NAALADL2: variants seen among roughly 807,000 people sequenced by gnomAD.
The protein encoded by NAALADL2 is inactive N-acetylated-alpha-linked acidic dipeptidase-like protein 2.
A neutral mutation model predicts 87.2 loss-of-function variants in NAALADL2; 76 were observed. The ratio of observed to expected loss-of-function variants is 0.87; its 90% CI spans 0.72 to 1.05. The LOEUF (loss-of-function observed/expected upper bound fraction) is 1.05, where lower values mean the gene tolerates loss of function less well. NAALADL2 is among the 50% of genes least tolerant of loss of function. The pLI is 0.00. For synonymous variants in NAALADL2, 354 were observed against 331.0 expected (o/e 1.07, Z -0.75); for missense variants, 1,089 against 945.8 (o/e 1.15, Z -1.99).
intron 9 of NAALADL2, among the ~76,000 whole-genome samples, chr3:175,504,417 G>A (rs1729977202): frequency 6.6e-6 from 1 of 152,114 alleles, no homozygotes; most frequent in Non-Finnish European, 1.5e-5. Flanking sequence ...TGAAGCTCTA[G>A]CCCCTAATGT....
chr3:175,133,751 G>T (rs1364107420), intron 2 of NAALADL2, among the ~76,000 whole-genome samples: 2 of 152,266 alleles, frequency 1.3e-5, no homozygotes, highest in African/African-American at 4.8e-5. Flanking sequence ...GAGGGAGAGG[G>T]AGACTAAGTA....
intron 10 of NAALADL2, among the ~76,000 whole-genome samples, chr3:175,589,646 T>C (rs1463367954): frequency 6.6e-6 from 1 of 152,058 alleles, no homozygotes; most frequent in Non-Finnish European, 1.5e-5. Flanking sequence ...TGTTGGATAT[T>C]AAGTTTGCCT....
intron 2 of NAALADL2, among the ~76,000 whole-genome samples, chr3:175,136,739 G>A (rs1016699656): frequency 2.0e-5 from 3 of 152,084 alleles, no homozygotes; most frequent in African/African-American, 4.8e-5. Context: ...CTTGATTGAT[G>A]TAGGGCAACA....
intron 2 of NAALADL2, among the ~76,000 whole-genome samples, chr3:174,613,297 T>C (rs1367253186): frequency 6.6e-6 from 1 of 152,306 alleles, no homozygotes; most frequent in Admixed American, 6.5e-5. Flanking sequence ...CTCTGTTTTC[T>C]CAAGGCCCTG....
chr3:175,415,479 A>G (rs1266936418), intron 5 of NAALADL2, among the ~76,000 whole-genome samples: 1 of 152,162 alleles, frequency 6.6e-6, no homozygotes, highest in Non-Finnish European at 1.5e-5. Flanking sequence ...CTAACAGGGT[A>G]AAACAGGTTA....
At position 175,471,510 on chromosome 3, in the gene NAALADL2, A is replaced by G. The variant is rs538511442; in HGVS notation, c.1534-129A>G. On this transcript the variant is annotated intron_variant, in intron 8 of 13. Transcript: ENST00000454872. The stretch of plus-strand genomic sequence containing the variant: ...AAAAGAAAGAAAGAAAGAAAAAAAA[A>G]AAGAAGGTAATTATGCAATATAATA... The G allele has an allele frequency of 2.4e-4, 151 of 633,488 alleles. 1 individual carries two copies. The East Asian group carries it at 4.4e-3, about 18-fold the overall frequency. The allele number at this position is 633,488 out of a possible 1,614,324, so 39.2% of individuals were successfully genotyped here. A position where few individuals can be genotyped will look rare whatever the true frequency, so the allele number is the denominator to read the frequency against.
intron 9 of NAALADL2, among the ~76,000 whole-genome samples, chr3:175,499,265 G>A (rs569913352): frequency 6.6e-6 from 1 of 152,170 alleles, no homozygotes; most frequent in East Asian, 1.9e-4. Context: ...TTTTTCGAAT[G>A]ATTAACATGC....
intron 9 of NAALADL2, among the ~76,000 whole-genome samples, chr3:175,507,741 C>T (rs1433294462): frequency 1.3e-5 from 2 of 152,068 alleles, no homozygotes; most frequent in East Asian, 3.9e-4. Context: ...ATTATTAATG[C>T]TTTATTTTCC....
At chr3:175,471,513 G>T in intron 8 of NAALADL2, 126 bp from the exon 9 acceptor site, 10 of 533,362 alleles carry the variant, frequency 1.9e-5, no homozygotes, top group Admixed American at 3.9e-5. Context: ...AAAAAAAAAA[G>T]AAGGTAATTA....
At chr3:175,241,598 C>G (rs1746893933) in intron 3 of NAALADL2, among the ~76,000 whole-genome samples, 1 of 152,074 alleles carries the variant, frequency 6.6e-6, no homozygotes. Flanking sequence ...TATATTTTCC[C>G]TGTATTTAAA....
chr3:174,507,411 C>G (rs1719263862), intron 1 of NAALADL2, among the ~76,000 whole-genome samples: 1 of 152,104 alleles, frequency 6.6e-6, no homozygotes. Context: ...GTTTTTCTCA[C>G]TGATTTTTTT....
intron 1 of NAALADL2, among the ~76,000 whole-genome samples, chr3:174,863,275 T>A (rs532895872): frequency 6.6e-6 from 1 of 152,226 alleles, no homozygotes; most frequent in South Asian, 2.1e-4. Flanking sequence ...TAATTTACTT[T>A]CCTATTTCTA....
chr3:174,751,309 AAAG>A (rs1734794782), intron 3 of NAALADL2, among the ~76,000 whole-genome samples: 1 of 152,152 alleles, frequency 6.6e-6, no homozygotes, highest in Non-Finnish European at 1.5e-5. Context: ...GCATATATGA[AAAG>A]AAATATTTTT....
intron 5 of NAALADL2, among the ~76,000 whole-genome samples, chr3:175,377,693 G>T (rs1294148907): frequency 6.6e-6 from 1 of 152,104 alleles, no homozygotes; most frequent in Non-Finnish European, 1.5e-5. Flanking sequence ...CCCATGGCCT[G>T]TACTGCACCC....
At position 175,780,654 on chromosome 3, in the gene NAALADL2, T is replaced by A. The variant is rs551881974; in HGVS notation, c.2190-22351T>A. The stretch of plus-strand genomic sequence containing the variant: ...TCAATAGTAGCAATAACAATTGATA[T>A]CACTGTATCTCATCTCCATTTGGAA... On this transcript the variant is annotated intron_variant, in intron 13 of 13. Transcript: ENST00000454872. 2.0e-5 allele frequency among the ~76,000 whole-genome samples: 3 copies of A among 152,280 alleles called. No individual in the cohort carries two copies. In the South Asian group the frequency reaches 6.2e-4, roughly 32 times the overall value.
At position 174,538,293 on chromosome 3, in the gene NAALADL2, T is replaced by A. The variant is rs74472551; in HGVS notation, c.-183-12276T>A. ...GCCCACGGCATTCCTAAGTTAACCG[T>A]AAAAATTAGTTCCAGCCAGGATGGG... is the stretch of plus-strand genomic sequence containing the variant. On this transcript the variant is annotated intron_variant, in intron 1 of 3. Transcript: ENST00000434257. 2.6e-3 allele frequency among the ~76,000 whole-genome samples: 402 copies of A among 152,170 alleles called. 18 individuals carry two copies. The East Asian group carries it at 0.071, about 27-fold the overall frequency.
intron 1 of NAALADL2, among the ~76,000 whole-genome samples, chr3:174,994,013 G>C (rs931499276): frequency 6.6e-6 from 1 of 151,984 alleles, no homozygotes; most frequent in African/African-American, 2.4e-5. Flanking sequence ...TTAGATCAAG[G>C]GCCCACCCTA....
At chr3:175,170,192 G>C (rs1056088439) in intron 2 of NAALADL2, among the ~76,000 whole-genome samples, 1 of 151,458 alleles carries the variant, frequency 6.6e-6, no homozygotes. Flanking sequence ...TAAAAGTTTA[G>C]AATAACAATT....
At chr3:175,037,650 G>A (rs1010445846) in intron 1 of NAALADL2, among the ~76,000 whole-genome samples, 2 of 152,070 alleles carry the variant, frequency 1.3e-5, no homozygotes, top group East Asian at 3.9e-4. Flanking sequence ...TGGGTACCTG[G>A]ACCTGGAGTT....
Sources: allele counts gnomAD v4.1 joint callset (sites outside exome capture counted in the v4.1 genomes callset), GRCh38; gene constraint gnomAD v4.1.1; transcripts MANE v1.5; gene names NCBI Gene and HGNC (gene_info 2026-07-23, HGNC 2026-07-21).